The following MGA variants were observed in gnomAD, a reference collection of about 807,000 sequenced individuals.
The protein encoded by MGA is MAX dimerization protein MGA.
Under a neutral mutation model 261.1 loss-of-function variants are expected in MGA, and 40 were observed. The ratio of observed to expected loss-of-function variants is 0.15; its 90% CI spans 0.12 to 0.20. The LOEUF (loss-of-function observed/expected upper bound fraction) is 0.20. MGA is among the 10% of genes least tolerant of loss of function. The pLI is 1.00. For synonymous variants in MGA, 1,302 were observed against 1,290.6 expected (o/e 1.01, Z -0.19); for missense variants, 3,397 against 3,630.5 (o/e 0.94, Z 1.65).
At chr15:41,744,659 C>T (rs2062334617) in intron 15 of MGA, among the ~76,000 whole-genome samples, 1 of 152,138 alleles carries the variant, frequency 6.6e-6, no homozygotes, top group Non-Finnish European at 1.5e-5. Flanking sequence ...TTTAACAGAT[C>T]ATGTCTTCTA....
Position 41,761,814 on chromosome 15 carries a change from C to A in MGA, c.7474C>A (p.Arg2492=). The A allele has an allele frequency of 6.3e-7, 1 of 1,593,572 alleles. No individual in the cohort carries two copies. ...ACAGAAAAATCTCCTGACTCGAAAA[C>A]GGAATATTCTGATACGGAAAGTATC... Residue 2492 remains arginine, a synonymous_variant, in exon 21 of 24, where the codon CGG becomes AGG. Transcript: ENST00000219905.
In MGA at chr15:41,669,073, C is replaced by G. The variant is rs2057917426; in HGVS notation, c.179C>G (p.Ser60Cys). 1.9e-6 allele frequency: 3 copies of G among 1,610,284 alleles called. No homozygotes were observed. The highest frequency in any genetic ancestry group is 1.1e-5 in the South Asian group (1 of 91,060). Residue 60 changes from serine (S) to cysteine (C), a missense_variant, in exon 2 of 24, where the codon TCT becomes TGT. Physicochemically the swap from Ser to Cys is moderately radical, Grantham distance 112. This residue lies in a region of MGA where 81 missense variants were observed against 84.3 expected (regional missense o/e 0.96). Coordinates refer to ENST00000219905, the MANE Select transcript of MGA (RefSeq NM_001164273.2). ...AGTAGTGTGTCATCACCAGTAAAAT[C>G]TAAAGGGAAGATTTGCCTTCCAGCT...
At chr15:41,679,889 C>T (rs1382938403) in intron 2 of MGA, among the ~76,000 whole-genome samples, 1 of 151,852 alleles carries the variant, frequency 6.6e-6, no homozygotes, top group African/African-American at 2.4e-5. Context: ...ATAGGACTTT[C>T]AGTAGTAGGT....
At chr15:41,692,336 G>GA (rs2059332759) in intron 2 of MGA, among the ~76,000 whole-genome samples, 1 of 152,198 alleles carries the variant, frequency 6.6e-6, no homozygotes, top group Non-Finnish European at 1.5e-5. Flanking sequence ...GTCCTCTGGA[G>GA]GGGGTGGTAA....
At chr15:41,721,828 C>T (rs1034151900) in intron 9 of MGA, among the ~76,000 whole-genome samples, 1 of 152,074 alleles carries the variant, frequency 6.6e-6, no homozygotes, top group African/African-American at 2.4e-5. Flanking sequence ...GATTCATAGC[C>T]CTTGATCTAG....
rs767067186 is a variant in MGA at position 41,669,868 on chromosome 15, C to G, written c.974C>G (p.Ser325Cys). Reference sequence around the variant, plus strand: ...TCAGGCAAGGGTTTGGAGAAGACTTCCCTTAATATAAAACGAGACTTTCTT... The same window carrying G: ...TCAGGCAAGGGTTTGGAGAAGACTTGCCTTAATATAAAACGAGACTTTCTT... The change falls in exon 2 of 24, where the codon TCC becomes TGC. Residue 325 changes from serine to cysteine, a missense_variant. By Grantham distance (112) the Ser-to-Cys change is moderately radical (BLOSUM62 -1). Transcript: ENST00000219905. The G allele has an allele frequency of 6.2e-7, 1 of 1,613,924 alleles. No homozygotes were observed. The highest frequency in any genetic ancestry group is 8.5e-7 in the Non-Finnish European group (1 of 1,179,874).
chr15:41,742,240 T>C (rs147380954), intron 14 of MGA, among the ~76,000 whole-genome samples: 1,989 of 151,522 alleles, frequency 0.013, 47 homozygotes, highest in African/African-American at 0.046. Flanking sequence ...ATACAAAAAT[T>C]AGCTGGGTTT....
rs1402526434 is a variant in MGA, at chr15:41,696,640, C to G, written c.1630C>G (p.Pro544Ala). 2 of 1,613,318 alleles carry G rather than the reference C, an allele frequency of 1.2e-6. No individual in the cohort carries two copies. The highest frequency in any genetic ancestry group is 4.5e-5 in the East Asian group (2 of 44,878). ...AGATCTCAGAGTGGTACAAAAATATCCCTTACTGAAAGAGCCTCAGTGGAA... is the reference window on the plus strand; with the variant it reads ...AGATCTCAGAGTGGTACAAAAATATGCCTTACTGAAAGAGCCTCAGTGGAA... The change falls in exon 3 of 24, where the codon CCC becomes GCC. Residue 544 changes from proline (P) to alanine (A), a missense_variant. Around this residue, in one of 9 missense-constraint regions of MGA, gnomAD observed 563 missense variants for 563.6 expected, o/e 1.00. Coordinates refer to ENST00000219905, the MANE Select transcript of MGA (RefSeq NM_001164273.2).
intron 3 of MGA, among the ~76,000 whole-genome samples, chr15:41,697,772 C>G (rs1303435820): frequency 1.3e-5 from 2 of 152,136 alleles, no homozygotes; most frequent in Non-Finnish European, 2.9e-5. Context: ...TAACAGTCAT[C>G]TTAACTCTCC....
intron 5 of MGA, among the ~76,000 whole-genome samples, chr15:41,706,249 A>AAAT (rs2060106440): frequency 6.8e-6 from 1 of 147,446 alleles, no homozygotes. Flanking sequence ...AAAAAAAAAA[A>AAAT]AAATGAATAA....
chr15:41,676,712 C>T (rs955987552), intron 2 of MGA, among the ~76,000 whole-genome samples: 3 of 152,156 alleles, frequency 2.0e-5, no homozygotes, highest in Non-Finnish European at 4.4e-5. Context: ...TTCTTACACA[C>T]ATTTTTTATA....
At position 41,653,739 on chromosome 15, in the gene MGA, A is replaced by T. The variant is rs928265869; in HGVS notation, c.-67-15089A>T. On this transcript the variant is annotated intron_variant, in intron 1 of 8. Transcript: ENST00000566718. ...AAAAAAAAAAAAAAAGAAAAAAAAA[A>T]CCCTTTTGGTTTACTTTTCAAATAA... Among the ~76,000 whole-genome samples, 76 of 151,312 alleles carry T rather than the reference A, an allele frequency of 5.0e-4. 1 individual carries two copies. Among genetic ancestry groups the T allele is most frequent in the Non-Finnish European group, 1.3e-4 (9 of 67,858 alleles).
At chr15:41,698,829 T>A in intron 3 of MGA, 34 bp from the exon 4 acceptor site, 1 of 1,451,456 alleles carries the variant, frequency 6.9e-7, no homozygotes, top group East Asian at 2.5e-5. Flanking sequence ...AGAAGCAATA[T>A]GAACTACTAT....
At position 41,711,310 on chromosome 15, in the gene MGA, G is replaced by T; in HGVS notation, c.3045G>T (p.Glu1015Asp). ...AACCAAGGACATACATCACAGAAGA[G>T]CGAGCAGATGTATCCTTAACAACTC... The change falls in exon 8 of 24, where the codon GAG becomes GAT. Residue 1015 changes from glutamate (E) to aspartate (D), a missense_variant. By Grantham distance (45) the Glu-to-Asp change is conservative (BLOSUM62 2). Coordinates refer to ENST00000219905, the MANE Select transcript of MGA (RefSeq NM_001164273.2). The T allele has an allele frequency of 6.2e-7, 1 of 1,613,164 alleles. No individual in the cohort carries two copies. Among genetic ancestry groups the T allele is most frequent in the East Asian group, 2.2e-5 (1 of 44,880 alleles).
intron 2 of MGA, chr15:41,691,744 T>C (rs138934126): frequency 6.1e-6 from 2 of 326,500 alleles, no homozygotes; most frequent in African/African-American, 2.2e-5. Context: ...AAGTATATTG[T>C]CTTCTGACTT....
chr15:41,678,929 T>C (rs1382330055), intron 2 of MGA, among the ~76,000 whole-genome samples: 1 of 152,256 alleles, frequency 6.6e-6, no homozygotes, highest in Admixed American at 6.5e-5. Context: ...AGTGTCACAT[T>C]ATTTTGATTA....
Position 41,688,946 on chromosome 15 carries a change from GA to G in MGA, c.1065-7128del, listed in dbSNP as rs1416356861. Among the ~76,000 whole-genome samples the G allele has an allele frequency of 4.6e-5, 7 of 152,060 alleles. No homozygotes were observed. In the East Asian group the frequency reaches 1.3e-3, roughly 29 times the overall value. On this transcript the variant is annotated intron_variant, in intron 2 of 23. Coordinates refer to ENST00000219905, the MANE Select transcript of MGA (RefSeq NM_001164273.2). ...ATGTCCACACATGGGGGGAGCGGGG[GA>G]TGTCTCTCTTCCTCTTCTTATAAGC...
intron 9 of MGA, among the ~76,000 whole-genome samples, chr15:41,720,435 A>T (rs2060878577): frequency 1.3e-5 from 2 of 151,980 alleles, no homozygotes; most frequent in Non-Finnish European, 2.9e-5. Context: ...CCAGCTGTGC[A>T]GTAGGCTGAG....
At chr15:41,711,652 A>C (rs2060391603) in intron 8 of MGA, among the ~76,000 whole-genome samples, 1 of 152,218 alleles carries the variant, frequency 6.6e-6, no homozygotes, top group Admixed American at 6.5e-5. Context: ...ACATATGGGC[A>C]AGTACATTGG....
Sources: gnomAD v4.1 joint callset for allele counts (sites outside exome capture counted in the v4.1 genomes callset) on GRCh38, gnomAD v4.1.1 for gene constraint, gnomAD v4.1.1 regional missense constraint, MANE v1.5 for transcripts, NCBI Gene and HGNC (gene_info 2026-07-23, HGNC 2026-07-21) for gene names.